The following RGS3 variants were observed in gnomAD, a reference collection of about 807,000 sequenced individuals.
RGS3 encodes the protein regulator of G-protein signalling 3.
In RGS3, 80 loss-of-function variants were observed where a neutral mutation model predicts 132.6. That is an observed-to-expected ratio of 0.60 (90% CI 0.50 to 0.73). RGS3 has a LOEUF of 0.73. Ranked by LOEUF, RGS3 falls within the 30% of genes least tolerant of loss-of-function variation. The pLI is 0.00. For synonymous variants in RGS3, 598 were observed against 620.6 expected (o/e 0.96, Z 0.54); for missense variants, 1,382 against 1,530.8 (o/e 0.90, Z 1.62).
intron 3 of RGS3, among the ~76,000 whole-genome samples, chr9:113,464,996 C>T (rs1829582581): frequency 6.6e-6 from 1 of 152,212 alleles, no homozygotes; most frequent in Admixed American, 6.5e-5. Flanking sequence ...AGCAGGAATT[C>T]ACTGGTCTAG....
In RGS3 at chr9:113,579,701, A is replaced by G. The variant is rs1397787996; in HGVS notation, c.2038-3749A>G. 6.6e-6 allele frequency among the ~76,000 whole-genome samples: 1 copy of G among 152,106 alleles called. No individual in the cohort carries two copies. Among genetic ancestry groups the G allele is most frequent in the Non-Finnish European group, 1.5e-5 (1 of 68,024 alleles). The stretch of plus-strand genomic sequence containing the variant: ...AGCAGTCCCCATGCTCCTTCAAACT[A>G]GTTGTCTAACCTCTGTTTTTTCTAC... On this transcript the variant is annotated intron_variant, in intron 19 of 24. Coordinates refer to ENST00000350696, the Ensembl canonical transcript of RGS3. This position sits in a 1 kb window ranked among gnomAD's most constrained non-coding sequence, Gnocchi z 4.3.
At chr9:113,508,433 C>A in intron 13 of RGS3, 108 bp from the exon 12 acceptor site, 2 of 1,107,458 alleles carry the variant, frequency 1.8e-6, no homozygotes, top group East Asian at 2.4e-5. Flanking sequence ...CTCTTGTGCC[C>A]TGAGGTGCTC....
chr9:113,505,446 C>T (rs1831086032), exon 11 of RGS3: 1 of 1,614,134 alleles, frequency 6.2e-7, no homozygotes, highest in Non-Finnish European at 8.5e-7. Context: ...TCCTAGATCA[C>T]CATCCCGAGG....
At chr9:113,588,383 G>A (rs956514461) in intron 20 of RGS3, among the ~76,000 whole-genome samples, 1 of 152,216 alleles carries the variant, frequency 6.6e-6, no homozygotes. Context: ...GGGCTGGATC[G>A]GAGAGGGCAG....
At chr9:113,519,589 C>T (rs1385059727) in intron 16 of RGS3, among the ~76,000 whole-genome samples, 1 of 150,990 alleles carries the variant, frequency 6.6e-6, no homozygotes, top group Non-Finnish European at 1.5e-5. Flanking sequence ...TTTCAGGAGT[C>T]ATCCATGCTA....
At chr9:113,519,733 A>G (rs1831848037) in intron 16 of RGS3, among the ~76,000 whole-genome samples, 1 of 151,936 alleles carries the variant, frequency 6.6e-6, no homozygotes. Flanking sequence ...CTTACACTCA[A>G]CAGAAATCTT....
chr9:113,522,974 G>A (rs749729561), exon 17 of RGS3: 2 of 1,614,152 alleles, frequency 1.2e-6, no homozygotes, highest in Non-Finnish European at 1.7e-6. Context: ...TCACCAAGGA[G>A]GACGAGCCTG....
chr9:113,451,650 C>A (rs115536692), intron 1 of RGS3, among the ~76,000 whole-genome samples: 135 of 151,436 alleles, frequency 8.9e-4, no homozygotes, highest in African/African-American at 3.1e-3. Context: ...GCAACATATG[C>A]AATTTATTAC....
intron 3 of RGS3, among the ~76,000 whole-genome samples, chr9:113,478,164 T>TGCCTTCCAGCCCC (rs1271524561): frequency 1.2e-3 from 179 of 152,302 alleles, no homozygotes; most frequent in Non-Finnish European, 2.1e-3. Context: ...ATTCTTGCCC[T>TGCCTTCCAGCCCC]GCCTTCCAGC....
intron 19 of RGS3, chr9:113,541,891 A>G (rs910073899): frequency 3.0e-6 from 3 of 983,916 alleles, no homozygotes; most frequent in Non-Finnish European, 3.6e-6. Flanking sequence ...TTTCGGGTGC[A>G]TCTACTTTAT....
intron 14 of RGS3, among the ~76,000 whole-genome samples, chr9:113,512,057 C>G (rs1305652557): frequency 6.6e-6 from 1 of 152,174 alleles, no homozygotes; most frequent in Admixed American, 6.5e-5. Context: ...GTGTGAACCT[C>G]CCACTGGCCC....
At chr9:113,596,944 C>A in exon 25 of RGS3, 3 of 1,605,380 alleles carry the variant, frequency 1.9e-6, no homozygotes, top group Non-Finnish European at 8.5e-7. Flanking sequence ...AGATGAGTCC[C>A]CCGCTTTAGG....
At chr9:113,488,536 A>G (rs1830407456) in intron 7 of RGS3, among the ~76,000 whole-genome samples, 1 of 152,188 alleles carries the variant, frequency 6.6e-6, no homozygotes, top group South Asian at 2.1e-4. Flanking sequence ...AGGCATATGG[A>G]CGCCCAGAAA....
At chr9:113,514,426 A>G in intron 14 of RGS3, 32 bp from the exon 13 acceptor site, 1 of 1,592,364 alleles carries the variant, frequency 6.3e-7, no homozygotes, top group Non-Finnish European at 8.6e-7. Context: ...AGTGACGGAA[A>G]TGTCTCATAG....
chr9:113,446,554 T>C (rs1829103503), intron 1 of RGS3, among the ~76,000 whole-genome samples: 1 of 152,196 alleles, frequency 6.6e-6, no homozygotes, highest in African/African-American at 2.4e-5. Context: ...AATGAGTAAA[T>C]GAAGAAAAAC....
chr9:113,498,213 A>G, intron 10 of RGS3, 133 bp downstream of exon 8: 2 of 709,704 alleles, frequency 2.8e-6, no homozygotes, highest in Non-Finnish European at 4.9e-6. Flanking sequence ...AGAAGGAATA[A>G]TTTCTTGATT....
chr9:113,553,441 T>TAAAAAA (rs66536651), intron 19 of RGS3, among the ~76,000 whole-genome samples: 699 of 20,314 alleles, frequency 0.034, 64 homozygotes, highest in East Asian at 0.15. Context: ...AAACTCTGTT[T>TAAAAAA]AAAAAAAAAA....
intron 19 of RGS3, among the ~76,000 whole-genome samples, chr9:113,544,858 C>G (rs2118691956): frequency 6.6e-6 from 1 of 152,282 alleles, no homozygotes; most frequent in Admixed American, 6.5e-5. Context: ...TAAGAGAAAT[C>G]AATAATCTCC....
rs1020952590 is a variant in RGS3 at position 113,586,816 on chromosome 9, C to A, written c.3015+2389C>A. ...CCTGCCCCTCTGTGAGCCACAGTTT[C>A]CTCCTTGGTGAAATGGGTATGGTAA... On this transcript the variant is annotated intron_variant, in intron 20 of 24. Transcript: ENST00000350696. Among the ~76,000 whole-genome samples, 16 of 152,342 alleles carry A rather than the reference C, an allele frequency of 1.1e-4. No individual in the cohort carries two copies. The South Asian group carries it at 1.9e-3, about 18-fold the overall frequency.
Sources: gnomAD v4.1 joint callset for allele counts (sites outside exome capture counted in the v4.1 genomes callset) on GRCh38, gnomAD v4.1.1 for gene constraint, Gnocchi (gnomAD v3.1) non-coding constraint, MANE v1.5 for transcripts, NCBI Gene and HGNC (gene_info 2026-07-23, HGNC 2026-07-21) for gene names.